The following GAS7 variants were observed in gnomAD, a reference collection of about 807,000 sequenced individuals.
GAS7 encodes the protein growth arrest specific 7, also known as growth arrest-specific protein 7.
Under a neutral mutation model 71.1 loss-of-function variants are expected in GAS7, and 28 were observed. The ratio of observed to expected loss-of-function variants is 0.39; its 90% CI spans 0.29 to 0.54. The LOEUF (loss-of-function observed/expected upper bound fraction) is 0.54. GAS7 is among the 20% of genes least tolerant of loss of function. GAS7 has a pLI of 0.62. For missense variants in GAS7, 436 were observed against 627.8 expected, an observed-to-expected ratio of 0.69 and a Z score of 3.27; for synonymous variants, 258 against 245.8, an observed-to-expected ratio of 1.05 and a Z score of -0.46.
At position 10,136,856 on chromosome 17, in the gene GAS7, C is replaced by T. The variant is rs139961963; in HGVS notation, c.183+61352G>A. Among the ~76,000 whole-genome samples, 734 of 152,236 alleles carry T rather than the reference C, an allele frequency of 4.8e-3. 2 individuals are homozygous for T. Among genetic ancestry groups the T allele is most frequent in the Admixed American group, 8.4e-3 (128 of 15,278 alleles). On this transcript the variant is annotated intron_variant, in intron 1 of 13. Coordinates refer to ENST00000432992, the MANE Select transcript of GAS7 (RefSeq NM_201433.2). ...AAATCTGGCCAGGCATCGTGGCTCACGCCTGTAAAAATCCCAGCTCTCTGG... is the reference window on the plus strand; with the variant it reads ...AAATCTGGCCAGGCATCGTGGCTCATGCCTGTAAAAATCCCAGCTCTCTGG...
chr17:9,991,610 G>A (rs1042977123), intron 2 of GAS7, among the ~76,000 whole-genome samples: 10 of 152,028 alleles, frequency 6.6e-5, no homozygotes, highest in Admixed American at 6.6e-4. Context: ...GGGAGTAGGG[G>A]GTGCTGCCTG....
chr17:10,118,706 A>G lies in GAS7; in HGVS notation c.183+79502T>C, dbSNP rs1321584303. Among the ~76,000 whole-genome samples the G allele has an allele frequency of 6.0e-5, 3 of 50,324 alleles. No individual in the cohort carries two copies. The Admixed American group carries it at 6.7e-4, about 11-fold the overall frequency. The allele number at this position is 50,324 out of a possible 152,430, so 33.0% of individuals were successfully genotyped here. ...GGGACAGAGTGAGACTCTGTCTCCAAAAAAAAAAAAAAAAAAAAAAGCCCT... is the reference window on the plus strand; with the variant it reads ...GGGACAGAGTGAGACTCTGTCTCCAGAAAAAAAAAAAAAAAAAAAAGCCCT... On this transcript the variant is annotated intron_variant, in intron 1 of 13. Transcript: ENST00000432992.
chr17:10,161,239 T>C (rs2074254262), intron 1 of GAS7, among the ~76,000 whole-genome samples: 1 of 152,190 alleles, frequency 6.6e-6, no homozygotes, highest in Non-Finnish European at 1.5e-5. Flanking sequence ...TTTGCCAAAC[T>C]ATACAGCAAA....
intron 11 of GAS7, among the ~76,000 whole-genome samples, chr17:9,920,987 C>G (rs952980649): frequency 1.3e-5 from 2 of 152,034 alleles, no homozygotes; most frequent in African/African-American, 4.8e-5. Flanking sequence ...CGAACCATAC[C>G]CCTAGCTATG....
chr17:9,939,337 C>T (rs373215249), intron 8 of GAS7, among the ~76,000 whole-genome samples: 1 of 152,122 alleles, frequency 6.6e-6, no homozygotes, highest in African/African-American at 2.4e-5. Flanking sequence ...CTTCTCCCAG[C>T]CCAGGTCCCA....
At chr17:10,074,780 C>T (rs758500368) in intron 1 of GAS7, among the ~76,000 whole-genome samples, 6 of 143,748 alleles carry the variant, frequency 4.2e-5, no homozygotes, top group African/African-American at 1.6e-4. Context: ...TTTTATAATA[C>T]CCTGATATCA....
chr17:10,073,115 C>A (rs960926348), intron 1 of GAS7, among the ~76,000 whole-genome samples: 2 of 152,180 alleles, frequency 1.3e-5, no homozygotes, highest in Non-Finnish European at 2.9e-5. Context: ...ATTGCATACA[C>A]AAAGCGTGGC....
intron 1 of GAS7, among the ~76,000 whole-genome samples, chr17:10,123,801 C>G (rs368054335): frequency 6.6e-6 from 1 of 152,218 alleles, no homozygotes; most frequent in African/African-American, 2.4e-5. Context: ...AGAGGAGGGG[C>G]GCAGCAGAGC....
At chr17:10,195,005 T>C (rs2074530799) in intron 1 of GAS7, among the ~76,000 whole-genome samples, 1 of 151,956 alleles carries the variant, frequency 6.6e-6, no homozygotes, top group African/African-American at 2.4e-5. Flanking sequence ...TTTCTGGAGG[T>C]AGGTGTTTCC....
chr17:10,041,078 C>T (rs2072855474), intron 1 of GAS7, among the ~76,000 whole-genome samples: 1 of 150,100 alleles, frequency 6.7e-6, no homozygotes, highest in Admixed American at 6.7e-5. Context: ...AGGAGAATTG[C>T]TTGAACTCAG....
chr17:9,951,460 A>G lies in GAS7; in HGVS notation c.526-4477T>C, dbSNP rs571628753. On this transcript the variant is annotated intron_variant, in intron 5 of 13. Transcript: ENST00000432992. ...TTGTCGGGGAAACACTTCCCTACAA[A>G]GAAAGGACTTTCCTGGCCAGGTGCG... 6.4e-4 allele frequency among the ~76,000 whole-genome samples: 98 copies of G among 152,262 alleles called. 2 individuals carry two copies. Among genetic ancestry groups the G allele is most frequent in the African/African-American group, 2.1e-3 (86 of 41,542 alleles).
intron 5 of GAS7, chr17:9,958,926 T>G: frequency 1.0e-5 from 14 of 1,351,922 alleles, no homozygotes; most frequent in East Asian, 2.8e-5. Flanking sequence ...CACGCATACC[T>G]TCCCCTCCTG....
chr17:9,917,412 T>A, intron 13 of GAS7, 71 bp from the exon 14 acceptor site: 2 of 1,104,092 alleles, frequency 1.8e-6, no homozygotes, highest in Non-Finnish European at 1.4e-6. Flanking sequence ...CTCTGAGACA[T>A]GCTGTCCTCA....
At chr17:10,017,663 C>G (rs2072096152) in intron 2 of GAS7, among the ~76,000 whole-genome samples, 1 of 152,298 alleles carries the variant, frequency 6.6e-6, no homozygotes, top group African/African-American at 2.4e-5. Context: ...CACAAGTCAT[C>G]TGAAATTCCT....
Position 10,019,885 on chromosome 17 carries a change from C to T in GAS7, c.196G>A (p.Val66Ile). ...YVQLLEKPGM[V>I]PPPPGEESQT... ...CTTTCTTCTCCCGGCGGAGGGGGGA[C>T]CATTCCAGGCTTCTGTTGGAGAAGA... Residue 66 changes from valine (V) to isoleucine (I), a missense_variant, in exon 2 of 14, where the codon GTC becomes ATC. Coordinates refer to ENST00000432992, the MANE Select transcript of GAS7 (RefSeq NM_201433.2). The T allele has an allele frequency of 3.7e-6, 6 of 1,613,816 alleles. No individual in the cohort carries two copies. The highest frequency in any genetic ancestry group is 5.1e-6 in the Non-Finnish European group (6 of 1,179,914).
chr17:10,013,582 C>T (rs1372679824), intron 2 of GAS7, among the ~76,000 whole-genome samples: 2 of 152,186 alleles, frequency 1.3e-5, no homozygotes, highest in African/African-American at 2.4e-5. Flanking sequence ...CCAAAGTCCA[C>T]GGAGCATGCT....
At chr17:10,125,067 TA>T (rs34878954) in intron 1 of GAS7, among the ~76,000 whole-genome samples, 17,347 of 137,996 alleles carry the variant, frequency 0.13, 1,242 homozygotes, top group African/African-American at 0.2. Flanking sequence ...TTAATAGCAG[TA>T]AAAAAAAAAA....
intron 2 of GAS7, among the ~76,000 whole-genome samples, chr17:9,999,531 T>A (rs932856067): frequency 2.7e-5 from 4 of 147,136 alleles, no homozygotes; most frequent in Non-Finnish European, 4.5e-5. Flanking sequence ...AAAAAAAAAA[T>A]TATGCTCAAA....
rs889444222 is a variant in GAS7, at chr17:10,030,489, G to A, written c.184-10592C>T. 5.3e-5 allele frequency among the ~76,000 whole-genome samples: 8 copies of A among 152,232 alleles called. No individual in the cohort carries two copies. In the South Asian group the frequency reaches 1.7e-3, roughly 31 times the overall value. On this transcript the variant is annotated intron_variant, in intron 1 of 13. Coordinates refer to ENST00000432992, the MANE Select transcript of GAS7 (RefSeq NM_201433.2). ...GACCCGTGTGAAAAGGGGGTCAGGT[G>A]CATGAGGCACACCTGCAGTTCTCAC...
Sources: allele counts gnomAD v4.1 joint callset (sites outside exome capture counted in the v4.1 genomes callset), GRCh38; gene constraint gnomAD v4.1.1; transcripts MANE v1.5; gene names NCBI Gene and HGNC (gene_info 2026-07-23, HGNC 2026-07-21).